Variants in ING2 observed in about 807,000 individuals in gnomAD.
ING2 encodes the protein inhibitor of growth protein 2.
Under a neutral mutation model 30.6 loss-of-function variants are expected in ING2, and 7 were observed. That is an observed-to-expected ratio of 0.23 (90% CI 0.13 to 0.43). The LOEUF is 0.43. Among genes scored for constraint, ING2 ranks in the 20% least tolerant of loss-of-function variants. The probability of loss-of-function intolerance (pLI) is 1.00; values close to 1 mark genes in which losing one functional copy is unlikely to be tolerated. For missense variants in ING2, 239 were observed against 334.9 expected (o/e 0.71, Z 2.24); for synonymous variants, 136 against 121.7 (o/e 1.12, Z -0.78).
In ING2 at chr4:183,510,352, T is replaced by G; in HGVS notation, c.243T>G (p.Arg81=). The G allele has an allele frequency of 6.2e-7, 1 of 1,613,864 alleles. No individual in the cohort carries two copies. The highest frequency in any genetic ancestry group is 1.7e-5 in the Admixed American group (1 of 59,986). The change falls in exon 2 of 2, where the codon CGT becomes CGG. Residue 81 remains arginine, a synonymous_variant. Transcript: ENST00000302327. ...AAGATGATTTAAACCAGAAGAAACG[T>G]CTACAGCAGCTTCTCCAGAGAGCAC... The part of the protein sequence containing the change: ...KKEDDLNQKK[R]LQQLLQRALI...
At chr4:183,507,286 A>G (rs924228966) in intron 1 of ING2, among the ~76,000 whole-genome samples, 2 of 152,190 alleles carry the variant, frequency 1.3e-5, no homozygotes, top group Non-Finnish European at 2.9e-5. Context: ...TTTTTAGTAG[A>G]GACGGAGTTT....
Position 183,509,448 on chromosome 4 carries a change from CT to C in ING2, c.173-819del, listed in dbSNP as rs1303539730. Among the ~76,000 whole-genome samples the C allele has an allele frequency of 5.5e-3, 785 of 142,668 alleles. 5 individuals carry two copies. Among genetic ancestry groups the C allele is most frequent in the African/African-American group, 6.2e-3 (243 of 39,254 alleles). The allele number at this position is 142,668 out of a possible 152,430, so 93.6% of individuals were successfully genotyped here. A position where few individuals can be genotyped will look rare whatever the true frequency, so the allele number is the denominator to read the frequency against. On this transcript the variant is annotated intron_variant, in intron 1 of 1. Coordinates refer to ENST00000302327, the MANE Select transcript of ING2 (RefSeq NM_001564.4). ...ATTAATTAGCCAAACATCTCTTATC[CT>C]TTTTTTTTTTTTTTGAGACGGAGTC... is the stretch of plus-strand genomic sequence containing the variant.
intron 1 of ING2, among the ~76,000 whole-genome samples, chr4:183,509,654 C>G (rs865811180): frequency 6.6e-5 from 10 of 151,058 alleles, no homozygotes; most frequent in Admixed American, 2.0e-4. Flanking sequence ...TCACCGTGGT[C>G]TCGATCTCCT....
At position 183,505,125 on chromosome 4, in the gene ING2, C is replaced by A. The variant is rs960628497; in HGVS notation, c.-71C>A. 68 of 1,434,620 alleles carry A rather than the reference C, an allele frequency of 4.7e-5. No individual in the cohort carries two copies. The highest frequency in any genetic ancestry group is 6.1e-5 in the Non-Finnish European group (67 of 1,092,676). The allele number at this position is 1,434,620 out of a possible 1,614,324, so 88.9% of individuals were successfully genotyped here. On this transcript the variant is annotated 5_prime_UTR_variant, in exon 1 of 2. Transcript: ENST00000302327. ...GCGCCGGGCTGCTGAGCTGAGGGCC[C>A]GCGGCGGCCGCGGCCGGTGCATGTG...
intron 1 of ING2, among the ~76,000 whole-genome samples, chr4:183,508,758 A>C (rs1200258348): frequency 6.6e-6 from 1 of 152,258 alleles, no homozygotes; most frequent in African/African-American, 2.4e-5. Flanking sequence ...CCATGCGGAC[A>C]GAACTCTTTG....
At chr4:183,506,586 A>G (rs1734655016) in intron 1 of ING2, among the ~76,000 whole-genome samples, 1 of 152,230 alleles carries the variant, frequency 6.6e-6, no homozygotes, top group Non-Finnish European at 1.5e-5. Flanking sequence ...GACCTTGAAC[A>G]TAGTATGGAA....
chr4:183,506,455 C>G (rs932735300), intron 1 of ING2: 3 of 503,600 alleles, frequency 6.0e-6, no homozygotes, highest in African/African-American at 3.9e-5. Context: ...CCGGCCGACC[C>G]GGGAACCCGG....
chr4:183,510,681 G>T lies in ING2; in HGVS notation c.572G>T (p.Arg191Leu), dbSNP rs1579170790. ...TCCAAGTCAGCAAAGAAAAAGAAAC[G>T]CTCCAAGGCCAAGCAGGAAAGGGAA... ...KKSKSAKKKKRSKAKQEREAS... is the reference protein window; with the variant it reads ...KKSKSAKKKKLSKAKQEREAS... The change falls in exon 2 of 2, where the codon CGC (arginine) becomes CTC (leucine). Residue 191 changes from arginine (R) to leucine (L), a missense_variant. By Grantham distance (102) the Arg-to-Leu change is moderately radical. Coordinates refer to ENST00000302327, the MANE Select transcript of ING2 (RefSeq NM_001564.4). The T allele has an allele frequency of 2.5e-6, 4 of 1,614,138 alleles. No homozygotes were observed. The highest frequency in any genetic ancestry group is 3.4e-6 in the Non-Finnish European group (4 of 1,180,020).
chr4:183,506,349 C>A, intron 1 of ING2: 1 of 1,281,156 alleles, frequency 7.8e-7, no homozygotes, highest in Non-Finnish European at 1.0e-6. Flanking sequence ...CACTTCCGGG[C>A]TTCAGGAGGA....
Position 183,510,273 on chromosome 4 carries a change from T to A in ING2, c.173-9T>A. On this transcript the variant is annotated splice_polypyrimidine_tract_variant and intron_variant, in intron 1 of 1. Coordinates refer to ENST00000302327, the MANE Select transcript of ING2 (RefSeq NM_001564.4). ...GATAACGTTCTCATTTTTCTTTTCC[T>A]TTTTTTAGAAACGTTAAAGGAAATT... 1 of 1,537,194 alleles carries A rather than the reference T, an allele frequency of 6.5e-7. No homozygotes were observed. The highest frequency in any genetic ancestry group is 8.8e-7 in the Non-Finnish European group (1 of 1,138,298).
chr4:183,505,469 C>A, intron 1 of ING2, 102 bp downstream of exon 1: 1 of 1,224,646 alleles, frequency 8.2e-7, no homozygotes, highest in Non-Finnish European at 1.1e-6. Context: ...CCGAGCGCAC[C>A]GAGGGTCTGC....
chr4:183,505,468 C>T, intron 1 of ING2, 101 bp downstream of exon 1: 1 of 1,239,534 alleles, frequency 8.1e-7, no homozygotes, highest in Non-Finnish European at 1.1e-6. Flanking sequence ...CCCGAGCGCA[C>T]CGAGGGTCTG....
At position 183,511,227 on chromosome 4, in the gene ING2, C is replaced by T. The variant is rs1412964196; in HGVS notation, c.*275C>T. ...ATTATAAAAATTTCACAAACCATGC[C>T]TATTTCATTTTCACTTAAAACTGCA... On this transcript the variant is annotated 3_prime_UTR_variant, in exon 2 of 2. Transcript: ENST00000302327. 1 of 243,638 alleles carries T rather than the reference C, an allele frequency of 4.1e-6. No individual in the cohort carries two copies. Among genetic ancestry groups the T allele is most frequent in the Non-Finnish European group, 7.8e-6 (1 of 128,334 alleles). 15.1% of individuals were successfully genotyped at this position (243,638 alleles called of 1,614,324 possible).
intron 1 of ING2, among the ~76,000 whole-genome samples, chr4:183,507,592 A>G (rs1468073434): frequency 6.6e-6 from 1 of 152,224 alleles, no homozygotes; most frequent in Non-Finnish European, 1.5e-5. Context: ...GATTATACAA[A>G]TTCTTAGCTC....
At chr4:183,506,128 G>T in intron 1 of ING2, 1 of 1,232,526 alleles carries the variant, frequency 8.1e-7, no homozygotes, top group Non-Finnish European at 1.1e-6. Context: ...AAAATGGCTG[G>T]TCGCGAGAGG....
At position 183,511,071 on chromosome 4, in the gene ING2, GGTGT is replaced by G; in HGVS notation, c.*120_*123del. The G allele has an allele frequency of 1.2e-6, 1 of 812,344 alleles. No homozygotes were observed. The highest frequency in any genetic ancestry group is 1.9e-6 in the Non-Finnish European group (1 of 535,240). The allele number at this position is 812,344 out of a possible 1,614,324, so 50.3% of individuals were successfully genotyped here. Reference sequence around the variant, plus strand: ...ATAATTTTTAATCATTAGTATTAATGGTGTATTAAAAGTTGTTGTACTTTGTCTG... The same window carrying G: ...ATAATTTTTAATCATTAGTATTAATGATTAAAAGTTGTTGTACTTTGTCTG... On this transcript the variant is annotated 3_prime_UTR_variant, in exon 2 of 2. Transcript: ENST00000302327.
At chr4:183,506,232 T>C (rs1413163985) in intron 1 of ING2, 1 of 1,304,148 alleles carries the variant, frequency 7.7e-7, no homozygotes, top group Admixed American at 2.3e-5. Flanking sequence ...TTGCAGCATG[T>C]TTTGCGGTGA....
In ING2 at chr4:183,505,349, C is replaced by G; in HGVS notation, c.154C>G (p.Leu52Val). 6.5e-7 allele frequency: 1 copy of G among 1,540,038 alleles called. No homozygotes were observed. The highest frequency in any genetic ancestry group is 8.8e-7 in the Non-Finnish European group (1 of 1,142,530). Reference sequence around the variant, plus strand: ...GAGGAACGTGTCTGTGCTGCGAGAGCTGGACAACAAATATCAAGGTAGGAG... The same window carrying G: ...GAGGAACGTGTCTGTGCTGCGAGAGGTGGACAACAAATATCAAGGTAGGAG... ...MQRNVSVLRE[L>V]DNKYQETLKE... Residue 52 changes from leucine (L) to valine (V), a missense_variant, in exon 1 of 2, where the codon CTG (leucine) becomes GTG (valine). Leu to Val is a conservative substitution (Grantham distance 32, BLOSUM62 1). Coordinates refer to ENST00000302327, the MANE Select transcript of ING2 (RefSeq NM_001564.4).
chr4:183,508,105 G>T (rs1047493430), intron 1 of ING2, among the ~76,000 whole-genome samples: 9 of 151,912 alleles, frequency 5.9e-5, no homozygotes, highest in Non-Finnish European at 1.2e-4. Flanking sequence ...CTTATCTCTT[G>T]AGTTGCAGTT....
Sources: gnomAD v4.1 joint callset for allele counts (sites outside exome capture counted in the v4.1 genomes callset) on GRCh38, gnomAD v4.1.1 for gene constraint, MANE v1.5 for transcripts, NCBI Gene and HGNC (gene_info 2026-07-23, HGNC 2026-07-21) for gene names.